The following TLK1 variants were observed in gnomAD, a reference collection of about 807,000 sequenced individuals.
The protein encoded by TLK1 is serine/threonine-protein kinase tousled-like 1.
Under a neutral mutation model 105.3 loss-of-function variants are expected in TLK1, and 24 were observed. That is an observed-to-expected ratio of 0.23 (90% CI 0.17 to 0.32). The LOEUF (loss-of-function observed/expected upper bound fraction) is 0.32, where lower values mean the gene tolerates loss of function less well. Among genes scored for constraint, TLK1 ranks in the 10% least tolerant of loss-of-function variants. TLK1 has a pLI of 1.00. For synonymous variants in TLK1, 321 were observed against 310.4 expected, an observed-to-expected ratio of 1.03 and a Z score of -0.36; for missense variants, 558 against 910.5, an observed-to-expected ratio of 0.61 and a Z score of 4.98.
chr2:171,187,057 C>CAAAAAAA (rs71013019), intron 1 of TLK1, among the ~76,000 whole-genome samples: 514 of 32,682 alleles, frequency 0.016, 4 homozygotes, highest in Middle Eastern at 0.028. Flanking sequence ...GACTCTGTCT[C>CAAAAAAA]AAAAAAAAAA....
intron 2 of TLK1, among the ~76,000 whole-genome samples, chr2:171,106,650 G>A (rs542980211): frequency 9.2e-5 from 14 of 152,190 alleles, no homozygotes; most frequent in South Asian, 6.2e-4. Flanking sequence ...CTAGAGCACC[G>A]TTGCTACCAG....
intron 1 of TLK1, among the ~76,000 whole-genome samples, chr2:171,140,742 G>A (rs948776559): frequency 6.6e-6 from 1 of 152,050 alleles, no homozygotes. Context: ...CACATCAAAT[G>A]TCTCATACAC....
chr2:171,216,332 C>T (rs1396980387), intron 1 of TLK1, among the ~76,000 whole-genome samples: 4 of 152,090 alleles, frequency 2.6e-5, no homozygotes, highest in African/African-American at 7.2e-5. Flanking sequence ...AAAAATTAGC[C>T]GGGTGTGGTG....
At chr2:171,182,690 C>A (rs1309964498) in intron 1 of TLK1, among the ~76,000 whole-genome samples, 1 of 151,830 alleles carries the variant, frequency 6.6e-6, no homozygotes, top group African/African-American at 2.4e-5. Context: ...GGGGCTGAGG[C>A]GGGAAGATTG....
chr2:170,997,635 G>T, intron 19 of TLK1, 77 bp downstream of exon 19: 1 of 838,414 alleles, frequency 1.2e-6, no homozygotes, highest in Non-Finnish European at 1.8e-6. Flanking sequence ...TTAAGTTAGT[G>T]AAATTTTGCT....
chr2:171,211,685 G>A (rs754774846), intron 1 of TLK1, among the ~76,000 whole-genome samples: 19 of 151,742 alleles, frequency 1.3e-4, no homozygotes, highest in Non-Finnish European at 2.6e-4. Context: ...GAATAGCTGG[G>A]ATTACAGGCG....
intron 1 of TLK1, among the ~76,000 whole-genome samples, chr2:171,209,404 A>G (rs1353475952): frequency 6.6e-6 from 1 of 152,230 alleles, no homozygotes; most frequent in African/African-American, 2.4e-5. Flanking sequence ...AGAATGCTAG[A>G]TAGCGATGAA....
In TLK1 at chr2:171,046,397, C is replaced by T. The variant is rs894009519; in HGVS notation, c.981-35G>A. The T allele has an allele frequency of 3.3e-6, 5 of 1,513,962 alleles. No individual in the cohort carries two copies. The African/African-American group carries it at 4.2e-5, about 13-fold the overall frequency. The allele number at this position is 1,513,962 out of a possible 1,614,324, so 93.8% of individuals were successfully genotyped here. A position where few individuals can be genotyped will look rare whatever the true frequency, so the allele number is the denominator to read the frequency against. Reference sequence around the variant, plus strand: ...AATAAACAAATAAAACCATATTAACCTTCCATTACTTTTCAAGGCTAAACT... The same window carrying T: ...AATAAACAAATAAAACCATATTAACTTTCCATTACTTTTCAAGGCTAAACT... On this transcript the variant is annotated intron_variant, in intron 10 of 20. Transcript: ENST00000431350.
intron 1 of TLK1, among the ~76,000 whole-genome samples, chr2:171,149,107 T>TC (rs1377162028): frequency 1.0e-4 from 14 of 140,212 alleles, no homozygotes; most frequent in Admixed American, 4.3e-4. Flanking sequence ...TTCTTTTTTT[T>TC]TTTTTTTTTT....
At position 171,160,167 on chromosome 2, in the gene TLK1, C is replaced by A. The variant is rs905052541; in HGVS notation, c.139+123G>T. Reference sequence around the variant, plus strand: ...CCGGGCGGCCTCGCGTCCACCTCGCCACCATCCCCCACCCCAGGGTCTGGC... The same window carrying A: ...CCGGGCGGCCTCGCGTCCACCTCGCAACCATCCCCCACCCCAGGGTCTGGC... On this transcript the variant is annotated intron_variant, in intron 1 of 20. Transcript: ENST00000431350. This position sits in a 1 kb window ranked among gnomAD's most constrained non-coding sequence, Gnocchi z 4.4. 29 of 1,130,752 alleles carry A rather than the reference C, an allele frequency of 2.6e-5. No individual in the cohort carries two copies. Among genetic ancestry groups the A allele is most frequent in the South Asian group, 3.4e-5 (1 of 29,500 alleles). 70.0% of individuals were successfully genotyped at this position (1,130,752 alleles called of 1,614,324 possible).
chr2:171,215,855 C>G (rs1478311593), intron 1 of TLK1, among the ~76,000 whole-genome samples: 3 of 152,138 alleles, frequency 2.0e-5, no homozygotes, highest in African/African-American at 7.2e-5. Context: ...GCTTTATTCC[C>G]TTTAACAATA....
At chr2:171,189,848 C>T (rs1693110724) in intron 1 of TLK1, among the ~76,000 whole-genome samples, 1 of 151,874 alleles carries the variant, frequency 6.6e-6, no homozygotes, top group Non-Finnish European at 1.5e-5. Flanking sequence ...GAATTCCAAG[C>T]AAGAAGAAAA....
At position 171,046,245 on chromosome 2, in the gene TLK1, T is replaced by G. The variant is rs748547802; in HGVS notation, c.1098A>C (p.Pro366=). Residue 366 remains proline (P), a synonymous_variant, in exon 11 of 21, where the codon CCA becomes CCC. Transcript: ENST00000431350. ...NSQAPSTNSE[P]KQRKNKAVNG... ...TGACTGCTTTGTTTTTCCTTTGTTT[T>G]GGTTCAGAATTGGTAGAGGGTGCCT... is the stretch of plus-strand genomic sequence containing the variant. 2 of 1,613,412 alleles carry G rather than the reference T, an allele frequency of 1.2e-6. No homozygotes were observed. The highest frequency in any genetic ancestry group is 4.5e-5 in the East Asian group (2 of 44,846).
At chr2:171,022,086 A>AACACACAC (rs557803785) in intron 12 of TLK1, among the ~76,000 whole-genome samples, 2,831 of 102,986 alleles carry the variant, frequency 0.027, 103 homozygotes, top group African/African-American at 0.07. Context: ...CTGGGCGAAA[A>AACACACAC]ACACACACAC....
At chr2:171,066,524 G>C (rs138388106) in intron 3 of TLK1, among the ~76,000 whole-genome samples, 1 of 152,008 alleles carries the variant, frequency 6.6e-6, no homozygotes, top group East Asian at 1.9e-4. Flanking sequence ...ATTCACAACC[G>C]TATCAGTACT....
chr2:171,140,066 G>C (rs982037347), intron 1 of TLK1, among the ~76,000 whole-genome samples: 5 of 152,142 alleles, frequency 3.3e-5, no homozygotes, highest in African/African-American at 4.8e-5. Flanking sequence ...TCACAGGATA[G>C]CGACCAGTAC....
chr2:171,071,769 T>C (rs145819699), intron 3 of TLK1, among the ~76,000 whole-genome samples: 1,687 of 152,338 alleles, frequency 0.011, 13 homozygotes, highest in Admixed American at 0.02. Context: ...TGGTGAGAGA[T>C]AGGGGATCTA....
chr2:171,085,586 T>A lies in TLK1; in HGVS notation c.259-2734A>T, dbSNP rs1393294100. Among the ~76,000 whole-genome samples the A allele has an allele frequency of 5.3e-5, 8 of 152,228 alleles. No individual in the cohort carries two copies. The East Asian group carries it at 1.5e-3, about 29-fold the overall frequency. The stretch of plus-strand genomic sequence containing the variant: ...CAGACAAAAATGGAGTGACATAAGC[T>A]ATTCAAGGAAAGAAAATAAAAGCAA... On this transcript the variant is annotated intron_variant, in intron 2 of 20. Transcript: ENST00000431350.
In TLK1 at chr2:171,104,461, T is replaced by A. The variant is rs142459397; in HGVS notation, c.258+13278A>T. 3.4e-3 allele frequency among the ~76,000 whole-genome samples: 513 copies of A among 152,124 alleles called. 7 individuals carry two copies. The highest frequency in any genetic ancestry group is 0.012 in the African/African-American group (486 of 41,458). ...CCACGTTCATGAATTGGAAGAATAC[T>A]GTGAAAATGACATACTACCAAAAGT... On this transcript the variant is annotated intron_variant, in intron 2 of 20. Transcript: ENST00000431350.
Sources: gnomAD v4.1 joint callset for allele counts (sites outside exome capture counted in the v4.1 genomes callset) on GRCh38, gnomAD v4.1.1 for gene constraint, Gnocchi (gnomAD v3.1) non-coding constraint, MANE v1.5 for transcripts, NCBI Gene and HGNC (gene_info 2026-07-23, HGNC 2026-07-21) for gene names.